Variants in TENM3 observed in about 807,000 individuals in gnomAD.
The protein encoded by TENM3 is teneurin transmembrane protein 3, also known as teneurin-3.
In TENM3, 63 loss-of-function variants were observed where a neutral mutation model predicts 255.1. The observed-to-expected ratio is 0.25, with a 90% CI of 0.20 to 0.30. TENM3 has a LOEUF of 0.30. TENM3 is among the 10% of genes least tolerant of loss of function. The probability of loss-of-function intolerance (pLI) is 1.00; values close to 1 mark genes in which losing one functional copy is unlikely to be tolerated. For synonymous variants in TENM3, 1,306 were observed against 1,322.3 expected (o/e 0.99, Z 0.27); for missense variants, 2,929 against 3,461.1 (o/e 0.85, Z 3.86).
chr4:181,994,175 T>C, the TENM3 span, among the ~76,000 whole-genome samples: 1 of 152,186 alleles, frequency 6.6e-6, no homozygotes, highest in African/African-American at 2.4e-5. Context: ...CATTATATGT[T>C]TTGAAGTGCA....
In TENM3 at chr4:182,426,963, T is replaced by C. The variant is rs532041135; in HGVS notation, c.511+80034T>C. ...GTTTTGCATACTTGTATTTCTAATT[T>C]TCTTCCATGCTGAGGCATCTGTTCA... On this transcript the variant is annotated intron_variant, in intron 3 of 27. Coordinates refer to ENST00000511685, the MANE Select transcript of TENM3 (RefSeq NM_001080477.4). 4.6e-5 allele frequency among the ~76,000 whole-genome samples: 7 copies of C among 152,330 alleles called. No individual in the cohort carries two copies. In the South Asian group the frequency reaches 1.4e-3, roughly 32 times the overall value.
At chr4:181,462,463 C>G in the TENM3 span, among the ~76,000 whole-genome samples, 1 of 152,174 alleles carries the variant, frequency 6.6e-6, no homozygotes, top group Admixed American at 6.6e-5. Context: ...CAGGCAGTAG[C>G]TTGGGACAAT....
the TENM3 span, among the ~76,000 whole-genome samples, chr4:181,612,526 G>GTGTGTGTC: frequency 1.3e-5 from 2 of 151,118 alleles, no homozygotes; most frequent in African/African-American, 2.4e-5. Flanking sequence ...GTGTGTGTCA[G>GTGTGTGTC]AGAGAGAGAG....
At chr4:182,517,584 C>T (rs1580806313) in intron 3 of TENM3, among the ~76,000 whole-genome samples, 1 of 133,352 alleles carries the variant, frequency 7.5e-6, no homozygotes, top group African/African-American at 2.8e-5. Flanking sequence ...GGGGTTTCAC[C>T]GTGTTAGCCA....
chr4:182,495,004 T>C (rs1735646214), intron 3 of TENM3, among the ~76,000 whole-genome samples: 4 of 152,168 alleles, frequency 2.6e-5, no homozygotes, highest in Admixed American at 2.6e-4. Context: ...GGAGATGTTG[T>C]ATGCTCAGCA....
the TENM3 span, among the ~76,000 whole-genome samples, chr4:181,642,394 G>A: frequency 6.6e-6 from 1 of 152,080 alleles, no homozygotes; most frequent in Non-Finnish European, 1.5e-5. Flanking sequence ...TGGATAGACG[G>A]CAAAAATTTT....
chr4:181,630,655 G>A, the TENM3 span, among the ~76,000 whole-genome samples: 1 of 152,284 alleles, frequency 6.6e-6, no homozygotes, highest in South Asian at 2.1e-4. Flanking sequence ...GGTTTTGAGT[G>A]AGTTTCTTAA....
At chr4:182,705,289 C>T (rs1024294449) in intron 12 of TENM3, among the ~76,000 whole-genome samples, 1 of 152,112 alleles carries the variant, frequency 6.6e-6, no homozygotes, top group Non-Finnish European at 1.5e-5. Context: ...AGTCCGTGTT[C>T]GGAAGTATTA....
At chr4:182,174,893 C>CT (rs983615560) in intron 1 of TENM3, among the ~76,000 whole-genome samples, 2 of 151,808 alleles carry the variant, frequency 1.3e-5, no homozygotes, top group Admixed American at 1.3e-4. Flanking sequence ...TTTTTAATTC[C>CT]TTTTTTAAAG....
the TENM3 span, among the ~76,000 whole-genome samples, chr4:181,574,302 C>T: frequency 6.6e-6 from 1 of 151,850 alleles, no homozygotes. Context: ...GAGGCCGAGG[C>T]GGGTGGATCA....
chr4:182,587,753 A>G (rs530231534), intron 3 of TENM3, among the ~76,000 whole-genome samples: 73 of 152,266 alleles, frequency 4.8e-4, no homozygotes, highest in African/African-American at 1.6e-3. Flanking sequence ...AGCCTTTTAC[A>G]TAGTTATTTT....
rs560291860 is a variant in TENM3, at chr4:182,263,126, C to T, written c.-76+19650C>T. 2.2e-4 allele frequency among the ~76,000 whole-genome samples: 33 copies of T among 152,182 alleles called. 2 individuals are homozygous for T. The South Asian group carries it at 6.9e-3, about 32-fold the overall frequency. On this transcript the variant is annotated intron_variant, in intron 1 of 27. Coordinates refer to ENST00000511685, the MANE Select transcript of TENM3 (RefSeq NM_001080477.4). Reference sequence around the variant, plus strand: ...TGTCCTGTAACATAATGTCTGGCGACCGCGAAGGGACTGTAGTGCAGAAAC... The same window carrying T: ...TGTCCTGTAACATAATGTCTGGCGATCGCGAAGGGACTGTAGTGCAGAAAC...
At chr4:182,427,054 A>G (rs924809243) in intron 3 of TENM3, among the ~76,000 whole-genome samples, 1 of 152,084 alleles carries the variant, frequency 6.6e-6, no homozygotes, top group Admixed American at 6.5e-5. Context: ...CAGATTCTTT[A>G]TGTGCTGAGG....
upstream of TENM3, among the ~76,000 whole-genome samples, chr4:182,242,289 A>G (rs767065859): frequency 5.3e-5 from 8 of 151,664 alleles, no homozygotes; most frequent in Admixed American, 1.3e-4. Context: ...GTTCCCACCT[A>G]TGAGTGAGAA....
the TENM3 span, among the ~76,000 whole-genome samples, chr4:181,665,198 T>C: frequency 6.6e-6 from 1 of 152,168 alleles, no homozygotes; most frequent in Non-Finnish European, 1.5e-5. Context: ...CATCATCTCT[T>C]TGATAAACTT....
At chr4:182,736,177 A>C (rs760938288) in intron 16 of TENM3, among the ~76,000 whole-genome samples, 4 of 152,218 alleles carry the variant, frequency 2.6e-5, no homozygotes, top group Non-Finnish European at 5.9e-5. Flanking sequence ...CTCAACATGG[A>C]TATGGAATCT....
At chr4:182,673,249 A>G (rs1341596406) in intron 7 of TENM3, 30 bp downstream of exon 7, 1 of 1,455,008 alleles carries the variant, frequency 6.9e-7, no homozygotes, top group Admixed American at 2.0e-5. Flanking sequence ...TCAATAAAAT[A>G]AAAACTGCCA....
At chr4:182,615,070 T>TATATATATGTA (rs201005312) in intron 4 of TENM3, among the ~76,000 whole-genome samples, 15 of 82,602 alleles carry the variant, frequency 1.8e-4, no homozygotes, top group African/African-American at 6.2e-4. Context: ...TATATATGTA[T>TATATATATGTA]TTTTTTTTTC....
the TENM3 span, among the ~76,000 whole-genome samples, chr4:181,764,914 T>C: frequency 1.3e-5 from 2 of 152,084 alleles, no homozygotes; most frequent in Non-Finnish European, 2.9e-5. Context: ...AGGCTGGTCT[T>C]GAACTCCTGG....
Sources: gnomAD v4.1 joint callset for allele counts (sites outside exome capture counted in the v4.1 genomes callset) on GRCh38, gnomAD v4.1.1 for gene constraint, MANE v1.5 for transcripts, NCBI Gene and HGNC (gene_info 2026-07-23, HGNC 2026-07-21) for gene names.